The following EYA2 variants were observed in gnomAD, a reference collection of about 807,000 sequenced individuals.
The protein encoded by EYA2 is EYA transcriptional coactivator and phosphatase 2, also known as protein phosphatase EYA2.
In EYA2, 31 loss-of-function variants were observed where a neutral mutation model predicts 69.2. The observed-to-expected ratio is 0.45, with a 90% CI of 0.34 to 0.60. EYA2 has a LOEUF of 0.60. Ranked by LOEUF, EYA2 falls within the 20% of genes least tolerant of loss-of-function variation. EYA2 has a pLI of 0.02. For synonymous variants in EYA2, 257 were observed against 279.4 expected, an observed-to-expected ratio of 0.92 and a Z score of 0.80; for missense variants, 622 against 701.2, an observed-to-expected ratio of 0.89 and a Z score of 1.28.
chr20:46,958,407 G>A (rs1034943277), intron 1 of EYA2, among the ~76,000 whole-genome samples: 1 of 151,916 alleles, frequency 6.6e-6, no homozygotes, highest in African/African-American at 2.4e-5. Flanking sequence ...TTGCAATAAA[G>A]TTTGGTGATT....
At chr20:47,072,320 C>A (rs2031345169) in intron 6 of EYA2, 68 bp downstream of exon 6, 1 of 1,434,040 alleles carries the variant, frequency 7.0e-7, no homozygotes, top group African/African-American at 1.4e-5. Flanking sequence ...CATCAGGGCA[C>A]CCAGAGAGCC....
At chr20:47,024,572 C>T (rs1449986090) in intron 5 of EYA2, among the ~76,000 whole-genome samples, 1 of 152,220 alleles carries the variant, frequency 6.6e-6, no homozygotes, top group Non-Finnish European at 1.5e-5. Flanking sequence ...GCGCTCCCAG[C>T]ACAACTTTCT....
chr20:47,177,445 C>T (rs1193815654), intron 12 of EYA2, among the ~76,000 whole-genome samples: 1 of 152,152 alleles, frequency 6.6e-6, no homozygotes, highest in Non-Finnish European at 1.5e-5. Context: ...TGAGAAGATC[C>T]TTTTGTATTT....
intron 9 of EYA2, among the ~76,000 whole-genome samples, chr20:47,107,180 A>G (rs1345823051): frequency 2.0e-5 from 3 of 152,142 alleles, no homozygotes; most frequent in Non-Finnish European, 4.4e-5. Flanking sequence ...CTCTGCCCTC[A>G]TGGAGCTGAT....
At chr20:47,034,453 A>T (rs1213362597) in intron 5 of EYA2, among the ~76,000 whole-genome samples, 1 of 152,210 alleles carries the variant, frequency 6.6e-6, no homozygotes, top group Non-Finnish European at 1.5e-5. Context: ...TAGAGTCTGG[A>T]TGCAGGAATC....
intron 9 of EYA2, among the ~76,000 whole-genome samples, chr20:47,136,379 A>G (rs1288536278): frequency 6.6e-6 from 1 of 152,228 alleles, no homozygotes; most frequent in Non-Finnish European, 1.5e-5. Context: ...CTTTCATCCA[A>G]GAAATACAAC....
chr20:46,913,870 A>T (rs1984767781), intron 1 of EYA2, among the ~76,000 whole-genome samples: 1 of 152,122 alleles, frequency 6.6e-6, no homozygotes. Context: ...AGGTGTTTGA[A>T]TATATGATCA....
chr20:46,925,913 T>C (rs1462445933), intron 1 of EYA2, among the ~76,000 whole-genome samples: 1 of 148,470 alleles, frequency 6.7e-6, no homozygotes, highest in African/African-American at 2.5e-5. Context: ...GTCCAGGTGC[T>C]CACAGATAAT....
At chr20:47,093,455 A>C (rs1366897684) in intron 8 of EYA2, among the ~76,000 whole-genome samples, 5 of 152,004 alleles carry the variant, frequency 3.3e-5, no homozygotes, top group Admixed American at 2.0e-4. Flanking sequence ...CACATTGTCC[A>C]CCTTTATCTC....
chr20:47,085,942 G>A (rs933176697), intron 7 of EYA2, among the ~76,000 whole-genome samples: 5 of 152,162 alleles, frequency 3.3e-5, no homozygotes, highest in East Asian at 3.8e-4. Context: ...GTGTACATAC[G>A]TCAAAACTTA....
intron 10 of EYA2, chr20:47,161,514 T>C (rs2034065784): frequency 5.0e-5 from 22 of 436,580 alleles, no homozygotes; most frequent in South Asian, 3.8e-4. Flanking sequence ...CTTCATGTCC[T>C]TGACCAGGTG....
At chr20:47,160,436 G>A (rs1189124466) in intron 10 of EYA2, among the ~76,000 whole-genome samples, 1 of 152,154 alleles carries the variant, frequency 6.6e-6, no homozygotes, top group Non-Finnish European at 1.5e-5. Context: ...CTGGGTTATA[G>A]CTTACTAACC....
intron 8 of EYA2, among the ~76,000 whole-genome samples, chr20:47,090,157 T>G (rs1024563295): frequency 2.6e-5 from 4 of 151,956 alleles, no homozygotes; most frequent in Non-Finnish European, 5.9e-5. Context: ...TAGGCATCAG[T>G]GTTTTTAAAG....
intron 3 of EYA2, among the ~76,000 whole-genome samples, chr20:47,001,783 C>T (rs2146345955): frequency 1.7e-5 from 1 of 57,188 alleles, no homozygotes. Flanking sequence ...TTCTTCTCTT[C>T]ATTCTTTTTT....
chr20:46,988,013 T>A (rs1185961946), intron 1 of EYA2, among the ~76,000 whole-genome samples: 2 of 108,770 alleles, frequency 1.8e-5, no homozygotes, highest in Non-Finnish European at 3.8e-5. Flanking sequence ...AAAAAAAAAA[T>A]ACAGAATAAA....
intron 1 of EYA2, among the ~76,000 whole-genome samples, chr20:46,902,494 G>T (rs904170079): frequency 4.6e-5 from 7 of 152,204 alleles, no homozygotes; most frequent in African/African-American, 1.7e-4. Context: ...AGGATCACAT[G>T]GCTTATGCCA....
At chr20:47,166,551 T>C (rs1410550351) in intron 10 of EYA2, among the ~76,000 whole-genome samples, 1 of 151,968 alleles carries the variant, frequency 6.6e-6, no homozygotes, top group Non-Finnish European at 1.5e-5. Flanking sequence ...TTTTTCTCAG[T>C]AGTCAAGCTC....
intron 5 of EYA2, among the ~76,000 whole-genome samples, chr20:47,025,867 G>A (rs996562497): frequency 2.0e-5 from 3 of 152,188 alleles, no homozygotes; most frequent in South Asian, 2.1e-4. Context: ...CCAATCTGAT[G>A]CGTGAAGAAA....
At chr20:46,966,576 AGGTGGGCGGAT>A (rs1979794816) in intron 1 of EYA2, among the ~76,000 whole-genome samples, 1 of 152,186 alleles carries the variant, frequency 6.6e-6, no homozygotes, top group Admixed American at 6.5e-5. Flanking sequence ...TGGGAGGCCG[AGGTGGGCGGAT>A]CACGAGGTCA....
Sources: allele counts gnomAD v4.1 joint callset (sites outside exome capture counted in the v4.1 genomes callset), GRCh38; gene constraint gnomAD v4.1.1; transcripts MANE v1.5; gene names NCBI Gene and HGNC (gene_info 2026-07-23, HGNC 2026-07-21).